NHSL2: variants seen among roughly 807,000 people sequenced by gnomAD.
The protein encoded by NHSL2 is NHS like 2.
Under a neutral mutation model 53.4 loss-of-function variants are expected in NHSL2, and 27 were observed. The ratio of observed to expected loss-of-function variants is 0.51; its 90% CI spans 0.37 to 0.70. The LOEUF (loss-of-function observed/expected upper bound fraction) is 0.70. Among genes scored for constraint, NHSL2 ranks in the 30% least tolerant of loss-of-function variants. NHSL2 has a pLI of 0.00. For missense variants in NHSL2, 892 were observed against 980.1 expected (o/e 0.91, Z 1.20); for synonymous variants, 408 against 404.1 (o/e 1.01, Z -0.12).
chrX:72,132,223 G>A lies in NHSL2; in HGVS notation c.425G>A (p.Ser142Asn). The A allele has an allele frequency of 8.6e-7, 1 of 1,160,451 alleles. No homozygotes were observed. The change falls in exon 2 of 8, where the codon AGC becomes AAC. Residue 142 changes from serine (S) to asparagine (N), a missense_variant. Coordinates refer to ENST00000633930, the MANE Select transcript of NHSL2 (RefSeq NM_001013627.3). ...LLREAQLNLQSLLQEEYEEQY... is the reference protein window; with the variant it reads ...LLREAQLNLQNLLQEEYEEQY... ...CGGGAGGCGCAGCTCAATCTCCAGAGCCTGTTGCAAGGTACCGAGAGGGAG... is the reference window on the plus strand; with the variant it reads ...CGGGAGGCGCAGCTCAATCTCCAGAACCTGTTGCAAGGTACCGAGAGGGAG...
At chrX:72,108,571 G>T (rs1003648811) in intron 1 of NHSL2, among the ~76,000 whole-genome samples, 5 of 113,065 alleles carry the variant, frequency 4.4e-5, no homozygotes, top group Non-Finnish European at 9.4e-5. Context: ...GGCGGGACCA[G>T]AAGAGTGGTC....
chrX:71,930,250 C>T (rs747949915), intron 1 of NHSL2, among the ~76,000 whole-genome samples: 4 of 112,224 alleles, frequency 3.6e-5, no homozygotes, highest in Non-Finnish European at 7.5e-5. Context: ...ATTTCTGTTC[C>T]TCACCAAGCT....
At chrX:71,956,217 T>C (rs1358082639) in intron 1 of NHSL2, among the ~76,000 whole-genome samples, 1 of 112,388 alleles carries the variant, frequency 8.9e-6, no homozygotes, top group Non-Finnish European at 1.9e-5. Context: ...AGTATACAGG[T>C]TGATGAGTTT....
At chrX:72,044,347 G>T (rs990913439) in intron 1 of NHSL2, among the ~76,000 whole-genome samples, 2 of 111,501 alleles carry the variant, frequency 1.8e-5, no homozygotes, top group African/African-American at 6.5e-5. Flanking sequence ...CCAATTTTTG[G>T]AATTCTTCCC....
intron 1 of NHSL2, among the ~76,000 whole-genome samples, chrX:71,986,282 A>G (rs895110094): frequency 5.4e-5 from 6 of 111,997 alleles, no homozygotes; most frequent in South Asian, 3.7e-4. Flanking sequence ...AAGCTTATCA[A>G]ATATTAAAGG....
chrX:72,014,880 C>T (rs2042129428), intron 1 of NHSL2, among the ~76,000 whole-genome samples: 1 of 109,486 alleles, frequency 9.1e-6, no homozygotes, highest in African/African-American at 3.3e-5. Flanking sequence ...GCTCAGCCTT[C>T]TCTGACTTCA....
intron 1 of NHSL2, among the ~76,000 whole-genome samples, chrX:72,029,858 G>T (rs984525806): frequency 1.8e-5 from 2 of 112,248 alleles, no homozygotes. Context: ...TTGAAAGATT[G>T]TTCCCTCTCC....
At chrX:72,118,207 T>C (rs1484415486) in intron 1 of NHSL2, among the ~76,000 whole-genome samples, 3 of 111,900 alleles carry the variant, frequency 2.7e-5, no homozygotes, top group Non-Finnish European at 1.9e-5. Flanking sequence ...TTTATTAGCA[T>C]TTCCCTAATA....
intron 1 of NHSL2, among the ~76,000 whole-genome samples, chrX:72,021,362 T>C (rs1233219070): frequency 8.9e-6 from 1 of 112,250 alleles, no homozygotes; most frequent in African/African-American, 3.2e-5. Context: ...TCCAGTTCAC[T>C]GCCTGTCACC....
rs182648315 is a variant in NHSL2, at chrX:72,033,187, T to C, written c.281-98892T>C. 3.5e-3 allele frequency among the ~76,000 whole-genome samples: 365 copies of C among 105,752 alleles called. 7 individuals carry two copies. The highest frequency in any genetic ancestry group is 0.027 in the Admixed American group (272 of 10,082). 91.8% of individuals were successfully genotyped at this position (105,752 alleles called of 115,157 possible). On this transcript the variant is annotated intron_variant, in intron 1 of 7. Transcript: ENST00000633930. ...AATCAATTTGGGAAGAATTGACTTT[T>C]TTTTTTTTTTTTTTTTGGGAGACAA...
chrX:71,970,629 C>CTT (rs147271370), intron 1 of NHSL2, among the ~76,000 whole-genome samples: 52 of 93,058 alleles, frequency 5.6e-4, no homozygotes, highest in Admixed American at 1.5e-3. Context: ...TAATTTTGTT[C>CTT]TTTTTTTTTT....
chrX:72,092,264 T>C (rs777703725), intron 1 of NHSL2, among the ~76,000 whole-genome samples: 2 of 111,861 alleles, frequency 1.8e-5, no homozygotes, highest in Admixed American at 1.9e-4. Context: ...ACAAGACTGC[T>C]CCCCACGACT....
At chrX:72,120,025 T>C (rs1411356405) in intron 1 of NHSL2, among the ~76,000 whole-genome samples, 1 of 112,816 alleles carries the variant, frequency 8.9e-6, no homozygotes, top group Non-Finnish European at 1.9e-5. Flanking sequence ...GATTTTCAGA[T>C]GTTAAAACAA....
At chrX:72,045,894 CTG>C (rs1181120769) in intron 1 of NHSL2, among the ~76,000 whole-genome samples, 1 of 112,305 alleles carries the variant, frequency 8.9e-6, no homozygotes, top group Admixed American at 9.4e-5. Context: ...TCTGATATGA[CTG>C]AGAACTTCCC....
At chrX:71,919,507 A>G in intron 1 of NHSL2, among the ~76,000 whole-genome samples, 1 of 112,213 alleles carries the variant, frequency 8.9e-6, no homozygotes, top group East Asian at 2.8e-4. Flanking sequence ...ATGTTCCTAG[A>G]CAGCTATGAA....
chrX:72,140,115 CAGA>C lies in NHSL2; in HGVS notation c.2573_2575del (p.Glu858del), dbSNP rs767076874. On this transcript the variant is annotated inframe_deletion, in exon 6 of 8. Transcript: ENST00000633930. ...CCTGAGTATGCCGAGGAACCCAGAG[CAGA>C]AGAAGTCTTCACCTTGCCAGAGAGA... 66 of 1,208,387 alleles carry C rather than the reference CAGA, an allele frequency of 5.5e-5. No individual in the cohort carries two copies. Among genetic ancestry groups the C allele is most frequent in the Non-Finnish European group, 6.5e-5 (58 of 894,348 alleles).
intron 1 of NHSL2, among the ~76,000 whole-genome samples, chrX:71,965,416 T>C (rs1201964653): frequency 1.8e-5 from 2 of 112,623 alleles, no homozygotes; most frequent in Non-Finnish European, 3.8e-5. Flanking sequence ...CAAAGATCAG[T>C]TGAGTATATG....
At chrX:72,031,914 A>G (rs1246127805) in intron 1 of NHSL2, among the ~76,000 whole-genome samples, 3 of 111,821 alleles carry the variant, frequency 2.7e-5, no homozygotes, top group Non-Finnish European at 5.6e-5. Flanking sequence ...GACATCTTAC[A>G]CAACTGGGAA....
chrX:72,079,079 G>A (rs754317742), intron 1 of NHSL2, among the ~76,000 whole-genome samples: 3 of 112,215 alleles, frequency 2.7e-5, no homozygotes, highest in Admixed American at 9.4e-5. Flanking sequence ...CCTCTCTTCC[G>A]ATTAGAAGAC....
Sources: gnomAD v4.1 joint callset for allele counts (sites outside exome capture counted in the v4.1 genomes callset) on GRCh38, gnomAD v4.1.1 for gene constraint, MANE v1.5 for transcripts, NCBI Gene and HGNC (gene_info 2026-07-23, HGNC 2026-07-21) for gene names.